The following FGF14 variants were observed in gnomAD, a reference collection of about 807,000 sequenced individuals.
FGF14 encodes the protein fibroblast growth factor 14, also known as fibroblast growth factor homologous factor 4.
In FGF14, 5 loss-of-function variants were observed where a neutral mutation model predicts 25.5. The ratio of observed to expected loss-of-function variants is 0.20; its 90% CI spans 0.10 to 0.41. The LOEUF (loss-of-function observed/expected upper bound fraction) is 0.41, where lower values mean the gene tolerates loss of function less well. Among genes scored for constraint, FGF14 ranks in the 10% least tolerant of loss-of-function variants. The pLI, the probability that FGF14 is intolerant of heterozygous loss-of-function variation, is 1.00. For synonymous variants in FGF14, 138 were observed against 118.3 expected (o/e 1.17, Z -1.08); for missense variants, 222 against 320.1 (o/e 0.69, Z 2.34).
rs35882587 is a variant in FGF14, at chr13:102,174,135, CTT to C, written c.208+227334_208+227335del. Among the ~76,000 whole-genome samples, 759 of 129,372 alleles carry C rather than the reference CTT, an allele frequency of 5.9e-3. 6 individuals are homozygous for C. Among genetic ancestry groups the C allele is most frequent in the African/African-American group, 0.018 (620 of 33,964 alleles). 84.9% of individuals were successfully genotyped at this position (129,372 alleles called of 152,430 possible). On this transcript the variant is annotated intron_variant, in intron 1 of 4. Coordinates refer to the FGF14 transcript ENST00000376131. ...CAAAACATGCAAAAGATCAGCATTT[CTT>C]TTTTTTTTTTTTTTTGAAATGGAGT...
chr13:102,043,171 T>A (rs2041823479), intron 1 of FGF14, among the ~76,000 whole-genome samples: 1 of 152,182 alleles, frequency 6.6e-6, no homozygotes, highest in South Asian at 2.1e-4. Flanking sequence ...ACGCATATAA[T>A]CCTTAAAACA....
At chr13:102,124,306 A>G (rs925914974) in intron 1 of FGF14, among the ~76,000 whole-genome samples, 1 of 152,096 alleles carries the variant, frequency 6.6e-6, no homozygotes, top group African/African-American at 2.4e-5. Context: ...AGGAAAGCAT[A>G]ATTTATGGAA....
chr13:102,199,249 A>T (rs2049504290), intron 1 of FGF14, among the ~76,000 whole-genome samples: 1 of 152,200 alleles, frequency 6.6e-6, no homozygotes, highest in Non-Finnish European at 1.5e-5. Flanking sequence ...GCCTTGGTTT[A>T]ATAGAGAGTT....
At chr13:102,107,292 G>A (rs944570500) in intron 1 of FGF14, among the ~76,000 whole-genome samples, 2 of 152,160 alleles carry the variant, frequency 1.3e-5, no homozygotes, top group Non-Finnish European at 2.9e-5. Flanking sequence ...ATTTAAATGA[G>A]TGCCACAGTA....
At chr13:101,819,188 G>T (rs1056355318) in intron 3 of FGF14, among the ~76,000 whole-genome samples, 3 of 151,974 alleles carry the variant, frequency 2.0e-5, no homozygotes, top group African/African-American at 7.3e-5. Context: ...TAATACCTCA[G>T]AACACTTAAA....
intron 1 of FGF14, among the ~76,000 whole-genome samples, chr13:102,067,904 T>C (rs183632800): frequency 2.6e-5 from 4 of 152,048 alleles, no homozygotes; most frequent in African/African-American, 9.6e-5. Context: ...AGAATCCCAA[T>C]GCAGCAAAAG....
At position 102,275,408 on chromosome 13, in the gene FGF14, A is replaced by AT. The variant is rs569447714; in HGVS notation, c.208+126062dup. ...TAACATCTGGACAAGGGGCTATTATATTTTTTTACAACCTCTGAAAATTTG... is the reference window on the plus strand; with the variant it reads ...TAACATCTGGACAAGGGGCTATTATATTTTTTTTACAACCTCTGAAAATTTG... On this transcript the variant is annotated intron_variant, in intron 1 of 4. Transcript: ENST00000376131. Among the ~76,000 whole-genome samples, 658 of 152,152 alleles carry AT rather than the reference A, an allele frequency of 4.3e-3. 5 individuals are homozygous for AT. The highest frequency in any genetic ancestry group is 0.015 in the African/African-American group (626 of 41,524).
At chr13:102,394,687 G>A (rs2058531492) in intron 1 of FGF14, 1 of 152,352 alleles carries the variant, frequency 6.6e-6, no homozygotes, top group Non-Finnish European at 1.5e-5. Flanking sequence ...CGGTCCCCGT[G>A]AGCAGAGGGC....
intron 1 of FGF14, among the ~76,000 whole-genome samples, chr13:102,049,593 A>C (rs1275368876): frequency 6.6e-6 from 1 of 152,210 alleles, no homozygotes; most frequent in Non-Finnish European, 1.5e-5. Context: ...TTAAGGTTCT[A>C]ACCACCAGTA....
At chr13:102,035,421 C>A (rs372927080) in intron 1 of FGF14, among the ~76,000 whole-genome samples, 9 of 152,074 alleles carry the variant, frequency 5.9e-5, no homozygotes, top group African/African-American at 2.2e-4. Context: ...TCCTGTCCTG[C>A]AACACATTTC....
chr13:102,079,436 T>A (rs944780417), intron 1 of FGF14, among the ~76,000 whole-genome samples: 1 of 152,196 alleles, frequency 6.6e-6, no homozygotes, highest in Non-Finnish European at 1.5e-5. Context: ...TGTATTTATT[T>A]ACTTTTATTA....
At chr13:102,179,882 A>T (rs1190656011) in intron 1 of FGF14, among the ~76,000 whole-genome samples, 1 of 152,164 alleles carries the variant, frequency 6.6e-6, no homozygotes, top group Non-Finnish European at 1.5e-5. Context: ...AAAAATCTTT[A>T]TGGTTGGTCA....
chr13:101,720,762 G>GATGAC lies in FGF14; in HGVS notation c.*2064_*2068dup, dbSNP rs1158905838. 1 of 152,036 alleles carries GATGAC rather than the reference G, an allele frequency of 6.6e-6. No individual in the cohort carries two copies. The highest frequency in any genetic ancestry group is 2.4e-5 in the African/African-American group (1 of 41,378). 9.4% of individuals were successfully genotyped at this position (152,036 alleles called of 1,614,324 possible). A position where few individuals can be genotyped will look rare whatever the true frequency, so the allele number is the denominator to read the frequency against. On this transcript the variant is annotated 3_prime_UTR_variant, in exon 5 of 5. Transcript: ENST00000376143. ...TCCTGTTAAAAACAATAGGCTTCAA[G>GATGAC]ATGACATAACACCAAATCAAAAATG... is the stretch of plus-strand genomic sequence containing the variant.
intron 1 of FGF14, among the ~76,000 whole-genome samples, chr13:101,953,034 C>CTAAA (rs10649605): frequency 0.4 from 60,667 of 151,052 alleles, 14,682 homozygotes; most frequent in East Asian, 0.71. Flanking sequence ...GACTCCATCT[C>CTAAA]TAAATAAATA....
intron 1 of FGF14, among the ~76,000 whole-genome samples, chr13:101,905,457 A>G (rs1362726586): frequency 6.6e-6 from 1 of 152,174 alleles, no homozygotes; most frequent in Admixed American, 6.5e-5. Context: ...CAAGAATAGA[A>G]AACCAAACAT....
At chr13:102,270,575 T>C (rs1294293863) in intron 1 of FGF14, among the ~76,000 whole-genome samples, 1 of 152,176 alleles carries the variant, frequency 6.6e-6, no homozygotes, top group Non-Finnish European at 1.5e-5. Context: ...GTCAACCTGC[T>C]TGCCAAGAAT....
intron 1 of FGF14, among the ~76,000 whole-genome samples, chr13:102,182,824 T>A (rs528971590): frequency 6.6e-6 from 1 of 152,310 alleles, no homozygotes; most frequent in South Asian, 2.1e-4. Flanking sequence ...TAAAGATTTG[T>A]ATAGTTGTAC....
chr13:101,797,326 G>C (rs970516888), intron 3 of FGF14, among the ~76,000 whole-genome samples: 1 of 152,032 alleles, frequency 6.6e-6, no homozygotes, highest in African/African-American at 2.4e-5. Context: ...TTGCCCTATG[G>C]TTCCTCAAAG....
At chr13:101,759,648 G>A (rs1211967756) in intron 3 of FGF14, among the ~76,000 whole-genome samples, 1 of 152,170 alleles carries the variant, frequency 6.6e-6, no homozygotes, top group Non-Finnish European at 1.5e-5. Flanking sequence ...TCTTACTGAT[G>A]TGACTCCTGG....
Sources: gnomAD v4.1 joint callset for allele counts (sites outside exome capture counted in the v4.1 genomes callset) on GRCh38, gnomAD v4.1.1 for gene constraint, MANE v1.5 for transcripts, NCBI Gene and HGNC (gene_info 2026-07-23, HGNC 2026-07-21) for gene names.